STMND1: variants seen among roughly 807,000 people sequenced by gnomAD.
STMND1 encodes the protein stathmin domain containing 1.
Under a neutral mutation model 23.0 loss-of-function variants are expected in STMND1, and 17 were observed. The observed-to-expected ratio is 0.74, with a 90% CI of 0.51 to 1.11. The LOEUF (loss-of-function observed/expected upper bound fraction) is 1.11. Ranked by LOEUF, STMND1 falls within the 50% of genes least tolerant of loss-of-function variation. The pLI is 0.00. For synonymous variants in STMND1, 114 were observed against 119.9 expected, an observed-to-expected ratio of 0.95 and a Z score of 0.32; for missense variants, 305 against 329.1, an observed-to-expected ratio of 0.93 and a Z score of 0.57.
At chr6:17,116,139 A>G (rs1327644937) in intron 2 of STMND1, among the ~76,000 whole-genome samples, 1 of 152,218 alleles carries the variant, frequency 6.6e-6, no homozygotes, top group Non-Finnish European at 1.5e-5. Flanking sequence ...CGTCAGGCAG[A>G]CAGGGACCTG....
intron 2 of STMND1, among the ~76,000 whole-genome samples, chr6:17,118,192 CA>C (rs1761184647): frequency 6.6e-6 from 1 of 152,076 alleles, no homozygotes; most frequent in South Asian, 2.1e-4. Context: ...AAGATAAATT[CA>C]CCCGTGTTTT....
chr6:17,109,838 C>A (rs1761074523), intron 1 of STMND1, among the ~76,000 whole-genome samples: 1 of 152,144 alleles, frequency 6.6e-6, no homozygotes, highest in African/African-American at 2.4e-5. Flanking sequence ...TTGCAGGAAC[C>A]CAAAAGTGAT....
intron 3 of STMND1, among the ~76,000 whole-genome samples, chr6:17,127,564 AC>A (rs1283080651): frequency 6.6e-6 from 1 of 152,036 alleles, no homozygotes; most frequent in Non-Finnish European, 1.5e-5. Context: ...AAAAACAAAA[AC>A]AAAAAAACCC....
rs1431325362 is a variant in STMND1 at position 17,102,223 on chromosome 6, G to C, written c.-35G>C. On this transcript the variant is annotated 5_prime_UTR_variant, in exon 1 of 5. Coordinates refer to ENST00000536551, the MANE Select transcript of STMND1 (RefSeq NM_001190766.2). ...GGAGCGCTCGCGGGGGCGCACAGCA[G>C]CCAAGCCCGCGGAGGAGGAGCGCGC... The C allele has an allele frequency of 6.6e-7, 1 of 1,514,316 alleles. No individual in the cohort carries two copies. The highest frequency in any genetic ancestry group is 1.2e-5 in the South Asian group (1 of 81,658). 93.8% of individuals were successfully genotyped at this position (1,514,316 alleles called of 1,614,324 possible). A position where few individuals can be genotyped will look rare whatever the true frequency, so the allele number is the denominator to read the frequency against.
At chr6:17,106,114 T>C (rs1761021553) in intron 1 of STMND1, among the ~76,000 whole-genome samples, 1 of 152,104 alleles carries the variant, frequency 6.6e-6, no homozygotes, top group African/African-American at 2.4e-5. Context: ...GTTTCCTCTC[T>C]TTCCAGACTT....
At chr6:17,102,822 G>C (rs184651059) in intron 1 of STMND1, among the ~76,000 whole-genome samples, 305 of 152,316 alleles carry the variant, frequency 2.0e-3, no homozygotes, top group Non-Finnish European at 2.9e-3. Context: ...CTATCTGGTT[G>C]CGTCCTCTCG....
Position 17,130,933 on chromosome 6 carries a change from A to G in STMND1, c.*52A>G. On this transcript the variant is annotated 3_prime_UTR_variant, in exon 5 of 5. Coordinates refer to ENST00000536551, the MANE Select transcript of STMND1 (RefSeq NM_001190766.2). ...AGCATTCATTCTCCCCATTTGTGAC[A>G]TTTGTAGTATGTCTCATATTCTTTG... 1 of 1,435,588 alleles carries G rather than the reference A, an allele frequency of 7.0e-7. No homozygotes were observed. Among genetic ancestry groups the G allele is most frequent in the Non-Finnish European group, 9.2e-7 (1 of 1,081,636 alleles). The allele number at this position is 1,435,588 out of a possible 1,614,324, so 88.9% of individuals were successfully genotyped here.
chr6:17,128,905 G>A, intron 3 of STMND1: 2 of 413,632 alleles, frequency 4.8e-6, no homozygotes, highest in South Asian at 5.1e-5. Context: ...TAGAGACAAG[G>A]TTTCACTATG....
chr6:17,115,168 G>C, intron 2 of STMND1, 29 bp downstream of exon 2: 1 of 1,515,220 alleles, frequency 6.6e-7, no homozygotes, highest in Non-Finnish European at 8.8e-7. Context: ...CATTCACGTA[G>C]ATCTTCACAA....
At chr6:17,115,789 G>C (rs896236735) in intron 2 of STMND1, among the ~76,000 whole-genome samples, 2 of 152,128 alleles carry the variant, frequency 1.3e-5, no homozygotes, top group Non-Finnish European at 2.9e-5. Context: ...TTTTATTTCA[G>C]GGGGGAAGAC....
At chr6:17,104,616 C>T (rs1760993560) in intron 1 of STMND1, among the ~76,000 whole-genome samples, 1 of 151,872 alleles carries the variant, frequency 6.6e-6, no homozygotes, top group Non-Finnish European at 1.5e-5. Flanking sequence ...CTCCTAATTG[C>T]TCTCCCTGGA....
chr6:17,130,235 G>A (rs9688477), intron 4 of STMND1, among the ~76,000 whole-genome samples: 1,855 of 152,212 alleles, frequency 0.012, 37 homozygotes, highest in African/African-American at 0.042. Context: ...GTTGAGGTGC[G>A]GCGTTAAACT....
chr6:17,102,929 CA>C (rs1418608062), intron 1 of STMND1, among the ~76,000 whole-genome samples: 1 of 152,164 alleles, frequency 6.6e-6, no homozygotes, highest in Non-Finnish European at 1.5e-5. Context: ...ATTTAGTTTT[CA>C]AGAGTTTCGT....
chr6:17,109,342 T>A (rs867319797), intron 1 of STMND1, among the ~76,000 whole-genome samples: 2 of 152,186 alleles, frequency 1.3e-5, no homozygotes, highest in Non-Finnish European at 2.9e-5. Flanking sequence ...AACACAGTGA[T>A]AAGGAGCTAT....
intron 1 of STMND1, among the ~76,000 whole-genome samples, chr6:17,107,916 G>A (rs7758868): frequency 0.32 from 49,196 of 152,080 alleles, 8,144 homozygotes; most frequent in African/African-American, 0.34. Context: ...TAACTTATAA[G>A]TATGTCTGGT....
chr6:17,121,116 A>G (rs549446815), intron 3 of STMND1, among the ~76,000 whole-genome samples: 1 of 152,152 alleles, frequency 6.6e-6, no homozygotes, highest in Non-Finnish European at 1.5e-5. Flanking sequence ...GCTTGCACTC[A>G]TTCTCTCTCC....
intron 1 of STMND1, among the ~76,000 whole-genome samples, chr6:17,104,599 T>C (rs1269612343): frequency 6.6e-6 from 1 of 152,214 alleles, no homozygotes; most frequent in Non-Finnish European, 1.5e-5. Flanking sequence ...TGGATTTTTG[T>C]GCAAGTCTCC....
intron 1 of STMND1, among the ~76,000 whole-genome samples, chr6:17,106,090 C>T (rs942977837): frequency 1.3e-5 from 2 of 152,082 alleles, no homozygotes; most frequent in African/African-American, 2.4e-5. Flanking sequence ...TAGCTCCATG[C>T]CTTTGCACCT....
intron 2 of STMND1, among the ~76,000 whole-genome samples, chr6:17,117,298 A>C (rs1033442703): frequency 6.6e-6 from 1 of 152,074 alleles, no homozygotes; most frequent in African/African-American, 2.4e-5. Flanking sequence ...CGAACTCCTG[A>C]CTTCAGGTGC....
Sources: allele counts gnomAD v4.1 joint callset (sites outside exome capture counted in the v4.1 genomes callset), GRCh38; gene constraint gnomAD v4.1.1; transcripts MANE v1.5; gene names NCBI Gene and HGNC (gene_info 2026-07-23, HGNC 2026-07-21).